Variants in LMBR1 observed in about 807,000 individuals in gnomAD.
LMBR1 encodes the protein limb region 1 protein homolog.
A neutral mutation model predicts 73.9 loss-of-function variants in LMBR1; 52 were observed. The observed-to-expected ratio is 0.70, with a 90% CI of 0.56 to 0.89. LMBR1 has a LOEUF of 0.89. LMBR1 is among the 40% of genes least tolerant of loss of function. LMBR1 has a pLI of 0.00. For synonymous variants in LMBR1, 215 were observed against 209.4 expected, an observed-to-expected ratio of 1.03 and a Z score of -0.23; for missense variants, 539 against 579.8, an observed-to-expected ratio of 0.93 and a Z score of 0.72.
chr7:156,684,086 C>G lies in LMBR1; in HGVS notation c.1465G>C (p.Ala489Pro), dbSNP rs1302395381. Residue 489 changes from alanine (A) to proline (P), a missense_variant, in exon 17 of 17, where the codon GCA becomes CCA. Transcript: ENST00000353442. ...AKPSVNGHQK[A>P]L ...GACGCCGTCTGTGCGTCTCACAGTG[C>G]TTTCTGATGCCCATTTACAGAAGGC... The G allele has an allele frequency of 1.9e-6, 3 of 1,613,712 alleles. No homozygotes were observed. In the South Asian group the frequency reaches 3.3e-5, roughly 18 times the overall value.
At chr7:156,845,987 G>C (rs914230484) in intron 1 of LMBR1, among the ~76,000 whole-genome samples, 2 of 151,700 alleles carry the variant, frequency 1.3e-5, no homozygotes, top group African/African-American at 4.9e-5. Context: ...AACAAAACAG[G>C]AACAGTGGCT....
intron 5 of LMBR1, among the ~76,000 whole-genome samples, chr7:156,765,638 T>C (rs1823941376): frequency 6.6e-6 from 1 of 152,182 alleles, no homozygotes; most frequent in South Asian, 2.1e-4. Flanking sequence ...ATCCTTTTTA[T>C]TACACACTAA....
At chr7:156,717,449 T>C (rs924237872) in intron 15 of LMBR1, among the ~76,000 whole-genome samples, 1 of 151,870 alleles carries the variant, frequency 6.6e-6, no homozygotes, top group Non-Finnish European at 1.5e-5. Flanking sequence ...GAATGGGTGG[T>C]AGTTGAAGAG....
chr7:156,804,701 T>A (rs962493807), intron 4 of LMBR1, among the ~76,000 whole-genome samples: 13 of 152,306 alleles, frequency 8.5e-5, no homozygotes, highest in Admixed American at 8.5e-4. Flanking sequence ...CATTTTTTTT[T>A]AATTACTGAG....
intron 1 of LMBR1, among the ~76,000 whole-genome samples, chr7:156,842,712 T>C (rs1838936019): frequency 6.6e-6 from 1 of 152,098 alleles, no homozygotes; most frequent in Non-Finnish European, 1.5e-5. Context: ...GCAAATATAA[T>C]AGAAATAAGA....
At chr7:156,727,872 G>T in intron 12 of LMBR1, 58 bp downstream of exon 12, 3 of 1,161,736 alleles carry the variant, frequency 2.6e-6, no homozygotes, top group South Asian at 1.3e-5. Context: ...GAAATACTCA[G>T]GGTATAGACA....
chr7:156,773,393 T>C (rs1825561392), intron 5 of LMBR1, among the ~76,000 whole-genome samples: 1 of 152,138 alleles, frequency 6.6e-6, no homozygotes, highest in East Asian at 1.9e-4. Flanking sequence ...AAAGCAATCC[T>C]AAGCAAGAAG....
chr7:156,891,451 A>G (rs2134653092), intron 1 of LMBR1, among the ~76,000 whole-genome samples: 1 of 152,052 alleles, frequency 6.6e-6, no homozygotes, highest in African/African-American at 2.4e-5. Flanking sequence ...CTGGACACAG[A>G]AGAGTATATA....
At chr7:156,711,095 G>A (rs766098637) in intron 15 of LMBR1, among the ~76,000 whole-genome samples, 1 of 152,204 alleles carries the variant, frequency 6.6e-6, no homozygotes, top group African/African-American at 2.4e-5. Context: ...CAGATCACAA[G>A]GTCAGGAGAT....
intron 4 of LMBR1, among the ~76,000 whole-genome samples, chr7:156,803,511 G>A (rs1305727837): frequency 6.6e-6 from 1 of 152,158 alleles, no homozygotes; most frequent in African/African-American, 2.4e-5. Context: ...AACAGGTGCT[G>A]GAGAGGATGT....
chr7:156,862,021 AT>A (rs1389119033), intron 1 of LMBR1, among the ~76,000 whole-genome samples: 1 of 152,144 alleles, frequency 6.6e-6, no homozygotes. Flanking sequence ...TCACTTCCAC[AT>A]TTTTGGGTAT....
intron 9 of LMBR1, among the ~76,000 whole-genome samples, chr7:156,740,055 A>C (rs1818607395): frequency 6.6e-6 from 1 of 152,136 alleles, no homozygotes; most frequent in Non-Finnish European, 1.5e-5. Flanking sequence ...AGAGATTGAA[A>C]TAATAAAAAA....
intron 5 of LMBR1, among the ~76,000 whole-genome samples, chr7:156,773,718 T>G (rs538058199): frequency 4.4e-4 from 67 of 152,166 alleles, no homozygotes; most frequent in Non-Finnish European, 6.3e-4. Context: ...ATTAAAGACT[T>G]AAATGTAAAA....
At chr7:156,767,464 A>C (rs1824302303) in intron 5 of LMBR1, among the ~76,000 whole-genome samples, 1 of 152,134 alleles carries the variant, frequency 6.6e-6, no homozygotes, top group Non-Finnish European at 1.5e-5. Flanking sequence ...TCAGATGAGA[A>C]AAAAAGAGTT....
intron 1 of LMBR1, among the ~76,000 whole-genome samples, chr7:156,879,684 G>C (rs1031290427): frequency 2.1e-5 from 3 of 140,144 alleles, no homozygotes; most frequent in African/African-American, 7.7e-5. Flanking sequence ...AAAAAAAAGT[G>C]GGCTAAGGAC....
intron 6 of LMBR1, 99 bp from the exon 7 acceptor site, chr7:156,763,275 T>A (rs1017709970): frequency 3.8e-5 from 20 of 524,420 alleles, no homozygotes; most frequent in African/African-American, 1.8e-4. Context: ...CTGTACCTCA[T>A]GTAAACATTG....
rs76915100 is a variant in LMBR1, at chr7:156,833,418, C to T, written c.179+335G>A. On this transcript the variant is annotated intron_variant, in intron 3 of 16. Transcript: ENST00000353442. Reference sequence around the variant, plus strand: ...GGTTCAGCTAACCAGAGGAGATGTCCGCTGCTCGGTTCAAGAGCATCATAG... The same window carrying T: ...GGTTCAGCTAACCAGAGGAGATGTCTGCTGCTCGGTTCAAGAGCATCATAG... The T allele has an allele frequency of 8.1e-4, 204 of 250,852 alleles. 3 individuals are homozygous for T. Among genetic ancestry groups the T allele is most frequent in the Middle Eastern group, 6.2e-3 (5 of 804 alleles). 15.5% of individuals were successfully genotyped at this position (250,852 alleles called of 1,614,324 possible).
At chr7:156,729,418 G>GATATATATATATATAT (rs10676443) in intron 10 of LMBR1, among the ~76,000 whole-genome samples, 11 of 146,972 alleles carry the variant, frequency 7.5e-5, no homozygotes, top group African/African-American at 2.8e-4. Flanking sequence ...TCTACATATT[G>GATATATATATATATAT]ATATATATAT....
intron 15 of LMBR1, among the ~76,000 whole-genome samples, chr7:156,709,896 ATTTTTTTTTTTTT>A (rs34487923): frequency 2.2e-5 from 2 of 90,354 alleles, no homozygotes; most frequent in African/African-American, 9.6e-5. Context: ...CAGAAGGTTG[ATTTTTTTTTTTTT>A]TTTTTTTTTT....
Sources: gnomAD v4.1 joint callset for allele counts (sites outside exome capture counted in the v4.1 genomes callset) on GRCh38, gnomAD v4.1.1 for gene constraint, MANE v1.5 for transcripts, NCBI Gene and HGNC (gene_info 2026-07-23, HGNC 2026-07-21) for gene names.